Variants in PABPC4L observed in about 807,000 individuals in gnomAD.
PABPC4L encodes the protein polyadenylate-binding protein 4-like.
For missense variants in PABPC4L, 452 were observed against 451.4 expected, an observed-to-expected ratio of 1.00 and a Z score of -0.01; for synonymous variants, 169 against 164.1, an observed-to-expected ratio of 1.03 and a Z score of -0.23.
the PABPC4L span, among the ~76,000 whole-genome samples, chr4:134,073,454 C>G: frequency 1.3e-5 from 2 of 152,218 alleles, no homozygotes; most frequent in African/African-American, 4.8e-5. Flanking sequence ...AGGCCCCCTG[C>G]TGGTTGCTTT....
chr4:134,009,068 G>A, the PABPC4L span, among the ~76,000 whole-genome samples: 2 of 151,664 alleles, frequency 1.3e-5, no homozygotes, highest in African/African-American at 4.8e-5. Context: ...AATTGCTTCT[G>A]GGTAATGAGA....
chr4:133,988,615 C>T, the PABPC4L span, among the ~76,000 whole-genome samples: 2 of 152,336 alleles, frequency 1.3e-5, no homozygotes, highest in South Asian at 2.1e-4. Flanking sequence ...AGCCAAGTCT[C>T]CTGGCTGCTT....
chr4:134,097,797 T>A, the PABPC4L span, among the ~76,000 whole-genome samples: 1 of 151,934 alleles, frequency 6.6e-6, no homozygotes, highest in African/African-American at 2.4e-5. Context: ...TTCTGTTTTA[T>A]TTGTATGTCA....
At chr4:133,949,405 C>G in the PABPC4L span, among the ~76,000 whole-genome samples, 2,513 of 152,252 alleles carry the variant, frequency 0.017, 67 homozygotes, top group African/African-American at 0.057. Context: ...CTTTCCACCA[C>G]TAGGCCCCAA....
chr4:134,070,439 C>A, the PABPC4L span, among the ~76,000 whole-genome samples: 17 of 152,076 alleles, frequency 1.1e-4, no homozygotes, highest in South Asian at 2.1e-4. Flanking sequence ...GGCTGTTGGC[C>A]TCCTTGTGTC....
the PABPC4L span, among the ~76,000 whole-genome samples, chr4:134,041,603 G>A: frequency 6.6e-6 from 1 of 151,998 alleles, no homozygotes; most frequent in Non-Finnish European, 1.5e-5. Context: ...GGAAGGGATA[G>A]CATTAGGAGA....
chr4:133,973,439 A>G, the PABPC4L span, among the ~76,000 whole-genome samples: 2 of 152,168 alleles, frequency 1.3e-5, no homozygotes, highest in Non-Finnish European at 2.9e-5. Flanking sequence ...CAACAATTGA[A>G]GGAAGACTTA....
At chr4:133,951,690 T>C in the PABPC4L span, among the ~76,000 whole-genome samples, 2 of 152,170 alleles carry the variant, frequency 1.3e-5, no homozygotes, top group Non-Finnish European at 2.9e-5. Context: ...GAGCCAGGAC[T>C]GGGGTTGGGA....
the PABPC4L span, among the ~76,000 whole-genome samples, chr4:134,047,246 A>G: frequency 6.6e-6 from 1 of 152,180 alleles, no homozygotes; most frequent in Non-Finnish European, 1.5e-5. Flanking sequence ...GGTCACTACT[A>G]GAGTCCTTGG....
At chr4:133,982,978 A>T in the PABPC4L span, among the ~76,000 whole-genome samples, 2 of 151,980 alleles carry the variant, frequency 1.3e-5, no homozygotes. Flanking sequence ...ACACAAGCTG[A>T]TCTCTAACAT....
the PABPC4L span, among the ~76,000 whole-genome samples, chr4:134,047,035 T>A: frequency 2.6e-5 from 4 of 152,310 alleles, no homozygotes; most frequent in East Asian, 7.7e-4. Flanking sequence ...TGTGACAGAA[T>A]TAAAGGCAGA....
At chr4:133,977,732 A>C in the PABPC4L span, among the ~76,000 whole-genome samples, 1 of 152,158 alleles carries the variant, frequency 6.6e-6, no homozygotes, top group Non-Finnish European at 1.5e-5. Context: ...AAAAATTTGA[A>C]AGGCTCATGA....
the PABPC4L span, among the ~76,000 whole-genome samples, chr4:134,033,057 G>C: frequency 6.8e-6 from 1 of 146,590 alleles, no homozygotes; most frequent in African/African-American, 2.5e-5. Flanking sequence ...AAGGTTTATG[G>C]TAACCCTGCA....
At chr4:134,072,809 A>C in the PABPC4L span, among the ~76,000 whole-genome samples, 1 of 152,090 alleles carries the variant, frequency 6.6e-6, no homozygotes, top group Admixed American at 6.6e-5. Context: ...TTCACATGGT[A>C]GCAGAAGAGA....
the PABPC4L span, among the ~76,000 whole-genome samples, chr4:134,027,974 T>C: frequency 1.1e-4 from 17 of 152,226 alleles, no homozygotes; most frequent in African/African-American, 4.1e-4. Flanking sequence ...TACTAAGTTT[T>C]TGAGAGATTT....
the PABPC4L span, among the ~76,000 whole-genome samples, chr4:134,168,910 T>G: frequency 6.6e-6 from 1 of 152,060 alleles, no homozygotes; most frequent in African/African-American, 2.4e-5. Flanking sequence ...ACTCTCAAAC[T>G]CATTTCATAA....
At chr4:134,076,742 G>C in the PABPC4L span, among the ~76,000 whole-genome samples, 1 of 152,066 alleles carries the variant, frequency 6.6e-6, no homozygotes, top group Non-Finnish European at 1.5e-5. Context: ...CTGGAGCTTT[G>C]AGGGGACAAC....
At chr4:134,126,959 T>C in the PABPC4L span, among the ~76,000 whole-genome samples, 1 of 152,094 alleles carries the variant, frequency 6.6e-6, no homozygotes, top group Non-Finnish European at 1.5e-5. Flanking sequence ...GAGACTGGCC[T>C]TTCTGGCTGA....
At chr4:133,974,032 A>G in the PABPC4L span, among the ~76,000 whole-genome samples, 118 of 152,266 alleles carry the variant, frequency 7.7e-4, no homozygotes, top group Admixed American at 2.3e-3. Context: ...CTAATAATGT[A>G]AGGAAACCAG....
Sources: gnomAD v4.1 joint callset for allele counts (sites outside exome capture counted in the v4.1 genomes callset) on GRCh38, gnomAD v4.1.1 for gene constraint, MANE v1.5 for transcripts, NCBI Gene and HGNC (gene_info 2026-07-23, HGNC 2026-07-21) for gene names.